SUGCT: variants seen among roughly 807,000 people sequenced by gnomAD.
The protein encoded by SUGCT is succinyl-CoA:glutarate CoA-transferase.
SUGCT carries 41 observed loss-of-function variants against 55.0 expected under a neutral mutation model. The ratio of observed to expected loss-of-function variants is 0.74; its 90% CI spans 0.58 to 0.97. The LOEUF is 0.97. Ranked by LOEUF, SUGCT falls within the 50% of genes least tolerant of loss-of-function variation. The probability of loss-of-function intolerance (pLI) is 0.00; values close to 1 mark genes in which losing one functional copy is unlikely to be tolerated. For synonymous variants in SUGCT, 187 were observed against 200.4 expected, an observed-to-expected ratio of 0.93 and a Z score of 0.56; for missense variants, 568 against 547.8, an observed-to-expected ratio of 1.04 and a Z score of -0.37.
intron 11 of SUGCT, among the ~76,000 whole-genome samples, chr7:40,474,921 G>C (rs1018023552): frequency 1.3e-5 from 2 of 152,180 alleles, no homozygotes; most frequent in Non-Finnish European, 2.9e-5. Context: ...CACATGGCAA[G>C]CACTTGATAA....
intron 9 of SUGCT, among the ~76,000 whole-genome samples, chr7:40,361,007 A>G (rs140487913): frequency 1.0e-3 from 155 of 152,276 alleles, no homozygotes; most frequent in African/African-American, 3.5e-3. Context: ...GATATTGCTT[A>G]ATCAATAATT....
At chr7:40,982,215 A>G in the SUGCT span, among the ~76,000 whole-genome samples, 1 of 152,198 alleles carries the variant, frequency 6.6e-6, no homozygotes, top group East Asian at 1.9e-4. Flanking sequence ...TAGGTTGTAC[A>G]CATCACCAAA....
intron 13 of SUGCT, among the ~76,000 whole-genome samples, chr7:40,857,913 T>C (rs1397487942): frequency 2.6e-5 from 4 of 152,164 alleles, no homozygotes; most frequent in Non-Finnish European, 5.9e-5. Context: ...CAATAAATTA[T>C]TATTATTTTT....
At chr7:40,540,366 C>T (rs1399905825) in intron 12 of SUGCT, among the ~76,000 whole-genome samples, 1 of 152,200 alleles carries the variant, frequency 6.6e-6, no homozygotes, top group Non-Finnish European at 1.5e-5. Context: ...ATAGTAACAG[C>T]TGGTATATTG....
chr7:40,747,504 AT>A (rs1187589951), intron 12 of SUGCT, among the ~76,000 whole-genome samples: 1 of 152,218 alleles, frequency 6.6e-6, no homozygotes, highest in Non-Finnish European at 1.5e-5. Flanking sequence ...GAAGGTAGAT[AT>A]GCAAATCTTG....
At chr7:40,932,410 G>T in the SUGCT span, among the ~76,000 whole-genome samples, 1 of 152,160 alleles carries the variant, frequency 6.6e-6, no homozygotes, top group Admixed American at 6.5e-5. Flanking sequence ...ATTGATTTTG[G>T]TTGGAGAGTT....
intron 12 of SUGCT, among the ~76,000 whole-genome samples, chr7:40,554,478 T>A (rs1447421509): frequency 6.6e-6 from 1 of 152,220 alleles, no homozygotes; most frequent in Non-Finnish European, 1.5e-5. Flanking sequence ...AACACTTCCA[T>A]GGTAAATGTG....
chr7:40,817,901 A>T (rs763658028), intron 13 of SUGCT, among the ~76,000 whole-genome samples: 6 of 152,212 alleles, frequency 3.9e-5, no homozygotes, highest in Non-Finnish European at 5.9e-5. Flanking sequence ...GCAGAGTCAA[A>T]TATTACACAT....
intron 12 of SUGCT, among the ~76,000 whole-genome samples, chr7:40,590,138 G>A (rs899149541): frequency 4.6e-5 from 7 of 152,020 alleles, no homozygotes; most frequent in Non-Finnish European, 1.0e-4. Context: ...TTATTCTGAG[G>A]CACTATGAAC....
chr7:40,302,642 A>G (rs1183384995), intron 8 of SUGCT, among the ~76,000 whole-genome samples: 1 of 152,182 alleles, frequency 6.6e-6, no homozygotes, highest in Admixed American at 6.5e-5. Flanking sequence ...GTGGGTTTCA[A>G]GGCCAACAGG....
rs532867823 is a variant in SUGCT at position 40,265,950 on chromosome 7, C to CA, written c.577-8555dup. The stretch of plus-strand genomic sequence containing the variant: ...TGGACAACAGAGCAAAACTCTGTCT[C>CA]AAAAAAAACCACACACACACACACA... On this transcript the variant is annotated intron_variant, in intron 7 of 13. Coordinates refer to ENST00000335693, the MANE Select transcript of SUGCT (RefSeq NM_001193313.2). Among the ~76,000 whole-genome samples, 991 of 137,208 alleles carry CA rather than the reference C, an allele frequency of 7.2e-3. 10 individuals carry two copies. Among genetic ancestry groups the CA allele is most frequent in the African/African-American group, 0.026 (947 of 36,782 alleles). 90.0% of individuals were successfully genotyped at this position (137,208 alleles called of 152,430 possible). A position where few individuals can be genotyped will look rare whatever the true frequency, so the allele number is the denominator to read the frequency against.
At chr7:40,718,969 G>A (rs1395682406) in intron 12 of SUGCT, among the ~76,000 whole-genome samples, 1 of 152,166 alleles carries the variant, frequency 6.6e-6, no homozygotes, top group Non-Finnish European at 1.5e-5. Flanking sequence ...AAGGAATTAA[G>A]GCCAATTTGG....
the SUGCT span, among the ~76,000 whole-genome samples, chr7:40,881,297 G>A: frequency 6.6e-6 from 1 of 152,162 alleles, no homozygotes; most frequent in Non-Finnish European, 1.5e-5. Flanking sequence ...ATTCCCCGGT[G>A]TGCTAAAGCT....
At chr7:40,145,528 A>G (rs1046779540) in intron 1 of SUGCT, among the ~76,000 whole-genome samples, 13 of 151,158 alleles carry the variant, frequency 8.6e-5, no homozygotes, top group African/African-American at 2.9e-4. Flanking sequence ...TTTTTTCTCA[A>G]AGATAATAAC....
intron 13 of SUGCT, among the ~76,000 whole-genome samples, chr7:40,808,686 C>G (rs150463390): frequency 6.6e-6 from 1 of 152,280 alleles, no homozygotes; most frequent in African/African-American, 2.4e-5. Context: ...TGCCCCATTC[C>G]CTGCTTTTAT....
chr7:40,690,980 G>A (rs189261299), intron 12 of SUGCT, among the ~76,000 whole-genome samples: 140 of 152,300 alleles, frequency 9.2e-4, no homozygotes, highest in Admixed American at 2.2e-3. Flanking sequence ...AGAGGAAAAG[G>A]CAAGAGCCCA....
At chr7:40,899,487 C>T in the SUGCT span, among the ~76,000 whole-genome samples, 1 of 152,172 alleles carries the variant, frequency 6.6e-6, no homozygotes, top group Middle Eastern at 3.4e-3. Context: ...CAAGAGGCAA[C>T]GCACACGCTG....
chr7:40,984,844 A>G, the SUGCT span, among the ~76,000 whole-genome samples: 1 of 152,110 alleles, frequency 6.6e-6, no homozygotes, highest in Non-Finnish European at 1.5e-5. Context: ...TCTCCCACTA[A>G]GTTAGGTCCC....
At chr7:40,829,354 T>G (rs1205558212) in intron 13 of SUGCT, among the ~76,000 whole-genome samples, 1 of 152,184 alleles carries the variant, frequency 6.6e-6, no homozygotes, top group Admixed American at 6.5e-5. Flanking sequence ...ACACTGTTGC[T>G]CTAATAAACT....
Sources: allele counts gnomAD v4.1 joint callset (sites outside exome capture counted in the v4.1 genomes callset), GRCh38; gene constraint gnomAD v4.1.1; transcripts MANE v1.5; gene names NCBI Gene and HGNC (gene_info 2026-07-23, HGNC 2026-07-21).